Variants in ALK observed in about 807,000 individuals in gnomAD.
ALK encodes ALK tyrosine kinase receptor.
In ALK, 74 loss-of-function variants were observed where a neutral mutation model predicts 163.1. The ratio of observed to expected loss-of-function variants is 0.45; its 90% CI spans 0.38 to 0.55. The LOEUF is 0.55. Ranked by LOEUF, ALK falls within the 20% of genes least tolerant of loss-of-function variation. The probability of loss-of-function intolerance (pLI) is 0.00; values close to 1 mark genes in which losing one functional copy is unlikely to be tolerated. For missense variants in ALK, 2,063 were observed against 2,105.3 expected (o/e 0.98, Z 0.39); for synonymous variants, 960 against 843.2 (o/e 1.14, Z -2.40).
In ALK at chr2:29,373,721, G is replaced by C. The variant is rs377756233; in HGVS notation, c.1282+10011C>G. Among the ~76,000 whole-genome samples the C allele has an allele frequency of 2.0e-5, 3 of 152,226 alleles. No homozygotes were observed. In the South Asian group the frequency reaches 6.2e-4, roughly 32 times the overall value. The stretch of plus-strand genomic sequence containing the variant: ...GCTAGGCACTGGTAGAGAAAGGAAA[G>C]ACCAGCGAATTTCCTTCCTGGTTCC... On this transcript the variant is annotated intron_variant, in intron 5 of 28. Transcript: ENST00000389048.
intron 1 of ALK, among the ~76,000 whole-genome samples, chr2:29,835,392 T>C (rs1665532754): frequency 6.6e-6 from 1 of 152,204 alleles, no homozygotes; most frequent in South Asian, 2.1e-4. Flanking sequence ...ATTTCTTCCA[T>C]GCCATTCTTA....
chr2:29,686,163 T>C (rs184128055), intron 3 of ALK, among the ~76,000 whole-genome samples: 1 of 152,304 alleles, frequency 6.6e-6, no homozygotes, highest in East Asian at 1.9e-4. Flanking sequence ...GAAGCATTAA[T>C]TTGCCAATAC....
chr2:29,906,989 G>A (rs983081837), intron 1 of ALK: 7 of 111,608 alleles, frequency 6.3e-5, no homozygotes, highest in Admixed American at 4.4e-4. Context: ...TTGCTCTGTC[G>A]CCCATGCTGG....
At chr2:29,666,102 C>A (rs944736140) in intron 3 of ALK, among the ~76,000 whole-genome samples, 1 of 152,092 alleles carries the variant, frequency 6.6e-6, no homozygotes, top group African/African-American at 2.4e-5. Flanking sequence ...ACTATAAAAT[C>A]TTTTGCTGAA....
chr2:29,424,442 C>T (rs903491434), intron 4 of ALK, among the ~76,000 whole-genome samples: 1 of 152,178 alleles, frequency 6.6e-6, no homozygotes, highest in Non-Finnish European at 1.5e-5. Context: ...ATCGTGGCTA[C>T]ATAATAGCCA....
intron 11 of ALK, among the ~76,000 whole-genome samples, chr2:29,253,099 C>T (rs1664864207): frequency 6.6e-6 from 1 of 152,136 alleles, no homozygotes; most frequent in Non-Finnish European, 1.5e-5. Context: ...CTCAAGCGAT[C>T]CTCCTGCCTC....
At chr2:29,857,624 G>A (rs891792764) in intron 1 of ALK, among the ~76,000 whole-genome samples, 2 of 152,184 alleles carry the variant, frequency 1.3e-5, no homozygotes, top group African/African-American at 2.4e-5. Context: ...TGGTATGACC[G>A]ATGTCAACAA....
chr2:29,737,511 T>G (rs1679925546), intron 1 of ALK, among the ~76,000 whole-genome samples: 1 of 152,098 alleles, frequency 6.6e-6, no homozygotes, highest in African/African-American at 2.4e-5. Flanking sequence ...AAGACGTTAA[T>G]TCCAATCTTA....
At chr2:29,913,384 C>T (rs1415348115) in intron 1 of ALK, among the ~76,000 whole-genome samples, 1 of 152,204 alleles carries the variant, frequency 6.6e-6, no homozygotes, top group Non-Finnish European at 1.5e-5. Flanking sequence ...ACCTCCTCCA[C>T]TACCTCACCA....
Position 29,483,340 on chromosome 2 carries a change from G to A in ALK, c.1154+48575C>T, listed in dbSNP as rs141867499. Among the ~76,000 whole-genome samples the A allele has an allele frequency of 3.3e-3, 507 of 152,320 alleles. 2 individuals carry two copies. Among genetic ancestry groups the A allele is most frequent in the African/African-American group, 0.012 (484 of 41,572 alleles). On this transcript the variant is annotated intron_variant, in intron 4 of 28. Coordinates refer to ENST00000389048, the MANE Select transcript of ALK (RefSeq NM_004304.5). ...CAGAATCTCTGGGGATAGGACACAG[G>A]CATCAGGGCCTTTTTAAAGCCCTCC...
intron 1 of ALK, among the ~76,000 whole-genome samples, chr2:29,768,713 CTGTG>C (rs1553359129): frequency 1.4e-4 from 20 of 142,950 alleles, no homozygotes; most frequent in South Asian, 4.4e-4. Context: ...TTATATATGT[CTGTG>C]TGTGTGTGTG....
chr2:29,365,968 C>T (rs1668495251), intron 5 of ALK, among the ~76,000 whole-genome samples: 1 of 152,184 alleles, frequency 6.6e-6, no homozygotes, highest in East Asian at 1.9e-4. Flanking sequence ...CTTTGCAGAC[C>T]CAATCCTTCA....
chr2:29,347,218 C>A (rs1394824460), intron 5 of ALK, among the ~76,000 whole-genome samples: 1 of 152,168 alleles, frequency 6.6e-6, no homozygotes, highest in Non-Finnish European at 1.5e-5. Context: ...GCTGCCAGTT[C>A]AGGGCTTCTC....
chr2:29,882,647 T>C (rs1220328071), intron 1 of ALK, among the ~76,000 whole-genome samples: 2 of 152,140 alleles, frequency 1.3e-5, no homozygotes, highest in African/African-American at 4.8e-5. Context: ...GGAGCCGAGA[T>C]TGCGCCACTG....
At chr2:29,661,838 T>A (rs1028844230) in intron 3 of ALK, among the ~76,000 whole-genome samples, 9 of 152,302 alleles carry the variant, frequency 5.9e-5, no homozygotes, top group African/African-American at 2.2e-4. Context: ...ATGTAAGAAA[T>A]GCCCTATCTG....
rs186727928 is a variant in ALK, at chr2:29,275,787, G to A, written c.1818-291C>T. On this transcript the variant is annotated intron_variant, in intron 9 of 28. Transcript: ENST00000389048. ...CCAGGACTCCCTGATAATCTGAGGA[G>A]AAATCTTTTGCTTTCTGGGTGTGCA... is the stretch of plus-strand genomic sequence containing the variant. 6.0e-4 allele frequency among the ~76,000 whole-genome samples: 92 copies of A among 152,302 alleles called. 1 individual carries two copies. The highest frequency in any genetic ancestry group is 2.0e-3 in the African/African-American group (84 of 41,564).
chr2:29,507,905 G>C (rs1349133570), intron 4 of ALK, among the ~76,000 whole-genome samples: 2 of 152,148 alleles, frequency 1.3e-5, no homozygotes, highest in African/African-American at 4.8e-5. Flanking sequence ...CCCCAGCGTG[G>C]CTCTGCCGGC....
Position 29,637,207 on chromosome 2 carries a change from TAAAC to T in ALK, c.952+57639_952+57642del, listed in dbSNP as rs1676560549. Among the ~76,000 whole-genome samples, 4 of 152,266 alleles carry T rather than the reference TAAAC, an allele frequency of 2.6e-5. No individual in the cohort carries two copies. The South Asian group carries it at 8.3e-4, about 32-fold the overall frequency. On this transcript the variant is annotated intron_variant, in intron 3 of 28. Coordinates refer to ENST00000389048, the MANE Select transcript of ALK (RefSeq NM_004304.5). Reference sequence around the variant, plus strand: ...ACATGTTCCTCCATGGATGTATGATTAAACAAACTGTGGTACCTCCATACCATGG... The same window carrying T: ...ACATGTTCCTCCATGGATGTATGATTAAACTGTGGTACCTCCATACCATGG...
At chr2:29,698,071 C>A (rs1380225510) in intron 2 of ALK, among the ~76,000 whole-genome samples, 1 of 152,112 alleles carries the variant, frequency 6.6e-6, no homozygotes, top group Admixed American at 6.5e-5. Flanking sequence ...TCCTTCTGGC[C>A]CTAAGGTTAA....
Sources: allele counts gnomAD v4.1 joint callset (sites outside exome capture counted in the v4.1 genomes callset), GRCh38; gene constraint gnomAD v4.1.1; transcripts MANE v1.5; gene names NCBI Gene and HGNC (gene_info 2026-07-23, HGNC 2026-07-21).